Variants in LOXL2 observed in about 807,000 individuals in gnomAD.
LOXL2 encodes the protein lysyl oxidase homolog 2.
In LOXL2, 70 loss-of-function variants were observed where a neutral mutation model predicts 93.0. The observed-to-expected ratio is 0.75, with a 90% CI of 0.62 to 0.92. The LOEUF is 0.92. Among genes scored for constraint, LOXL2 ranks in the 40% least tolerant of loss-of-function variants. The pLI is 0.00. For synonymous variants in LOXL2, 438 were observed against 413.2 expected (o/e 1.06, Z -0.73); for missense variants, 973 against 1,054.9 (o/e 0.92, Z 1.08).
chr8:23,375,304 T>C (rs1804570257), intron 1 of LOXL2, among the ~76,000 whole-genome samples: 1 of 152,174 alleles, frequency 6.6e-6, no homozygotes, highest in Non-Finnish European at 1.5e-5. Context: ...CACTGGTCTA[T>C]ATCTCTGTTT....
In LOXL2 at chr8:23,302,035, G is replaced by C; in HGVS notation, c.2125C>G (p.Leu709Val). 6.2e-7 allele frequency: 1 copy of C among 1,614,136 alleles called. No homozygotes were observed. Among genetic ancestry groups the C allele is most frequent in the African/African-American group, 1.3e-5 (1 of 75,050 alleles). The stretch of plus-strand genomic sequence containing the variant: ...CTTCCCACCCACCTCACCTGGAACA[G>C]GTAGTCTCCAGGGGGCACGTCAGTG... ...DITDVPPGDY[L>V]FQVVINPNFE... The change falls in exon 12 of 14, where the codon CTG (leucine) becomes GTG (valine). Residue 709 changes from leucine (L) to valine (V), a missense_variant. By Grantham distance (32) the Leu-to-Val change is conservative. Coordinates refer to ENST00000389131, the MANE Select transcript of LOXL2 (RefSeq NM_002318.3).
chr8:23,338,207 C>A (rs966988734), intron 4 of LOXL2, among the ~76,000 whole-genome samples: 2 of 152,228 alleles, frequency 1.3e-5, no homozygotes, highest in Admixed American at 1.3e-4. Flanking sequence ...TCAGTTACCT[C>A]CCACTGGGTC....
rs370573410 is a variant in LOXL2, at chr8:23,399,453, T to C, written c.-84+4501A>G. ...CTGCCCTCATAAACTGATGAATCCATTCACCAATTAATAGATGAATCGGTT... is the reference window on the plus strand; with the variant it reads ...CTGCCCTCATAAACTGATGAATCCACTCACCAATTAATAGATGAATCGGTT... On this transcript the variant is annotated intron_variant, in intron 1 of 13. Coordinates refer to ENST00000389131, the MANE Select transcript of LOXL2 (RefSeq NM_002318.3). 7.2e-5 allele frequency among the ~76,000 whole-genome samples: 11 copies of C among 152,298 alleles called. No individual in the cohort carries two copies. In the East Asian group the frequency reaches 2.1e-3, roughly 29 times the overall value.
At chr8:23,354,951 T>TATATATATATATATATATATA (rs1563200197) in intron 3 of LOXL2, among the ~76,000 whole-genome samples, 1 of 19,164 alleles carries the variant, frequency 5.2e-5, no homozygotes, top group African/African-American at 2.2e-4. Context: ...ATATATATAT[T>TATATATATATATATATATATA]TTTTTTTTTT....
chr8:23,388,218 T>C lies in LOXL2; in HGVS notation c.-84+15736A>G, dbSNP rs573535241. On this transcript the variant is annotated intron_variant, in intron 1 of 13. Coordinates refer to ENST00000389131, the MANE Select transcript of LOXL2 (RefSeq NM_002318.3). The stretch of plus-strand genomic sequence containing the variant: ...GATCTTCAGCTTCCCCAGGTGTTAT[T>C]TGGGGAACTGTGAGCTGCCAAGGCT... Among the ~76,000 whole-genome samples, 45 of 152,284 alleles carry C rather than the reference T, an allele frequency of 3.0e-4. 1 individual carries two copies. In the South Asian group the frequency reaches 8.7e-3, roughly 30 times the overall value.
chr8:23,298,148 G>A (rs1465648086), intron 13 of LOXL2, 26 bp from the exon 14 acceptor site: 2 of 1,590,430 alleles, frequency 1.3e-6, no homozygotes, highest in Non-Finnish European at 1.7e-6. Context: ...CGGGTAGAGA[G>A]AGTGGACAAA....
chr8:23,341,744 G>A (rs1803886021), intron 3 of LOXL2, among the ~76,000 whole-genome samples: 2 of 152,166 alleles, frequency 1.3e-5, no homozygotes, highest in South Asian at 4.1e-4. Context: ...ATACCCCAGG[G>A]GTGGGCATTC....
At chr8:23,385,632 C>G (rs1205830770) in intron 1 of LOXL2, among the ~76,000 whole-genome samples, 1 of 152,082 alleles carries the variant, frequency 6.6e-6, no homozygotes, top group African/African-American at 2.4e-5. Context: ...TGATTTTGAT[C>G]AGTATCAATC....
At chr8:23,380,793 G>A (rs1160346886) in intron 1 of LOXL2, among the ~76,000 whole-genome samples, 7 of 152,026 alleles carry the variant, frequency 4.6e-5, no homozygotes, top group African/African-American at 1.7e-4. Flanking sequence ...GTGGCCAATC[G>A]CTTGAGGTCA....
chr8:23,341,965 T>C (rs1440771861), intron 3 of LOXL2, among the ~76,000 whole-genome samples: 1 of 152,124 alleles, frequency 6.6e-6, no homozygotes, highest in Non-Finnish European at 1.5e-5. Flanking sequence ...CTTAGAGGGT[T>C]CCCTTCCCAC....
intron 8 of LOXL2, among the ~76,000 whole-genome samples, chr8:23,317,384 G>A (rs114853090): frequency 1.2e-3 from 181 of 152,316 alleles, no homozygotes; most frequent in African/African-American, 4.2e-3. Context: ...CTGCAAGGCT[G>A]TGTGTCAGGA....
At chr8:23,299,915 G>A (rs532799230) in intron 12 of LOXL2, among the ~76,000 whole-genome samples, 153 of 152,384 alleles carry the variant, frequency 1.0e-3, no homozygotes, top group African/African-American at 3.6e-3. Flanking sequence ...CTGGCCCAGC[G>A]GGGCTGTTCT....
Position 23,381,658 on chromosome 8 carries a change from A to G in LOXL2, c.-83-13224T>C, listed in dbSNP as rs182781677. ...CTCCCTGCCTTATACCCCTTTTTCTACTGAGCTTTTCCCTTGTTGCTTTGT... is the reference window on the plus strand; with the variant it reads ...CTCCCTGCCTTATACCCCTTTTTCTGCTGAGCTTTTCCCTTGTTGCTTTGT... On this transcript the variant is annotated intron_variant, in intron 1 of 13. Transcript: ENST00000389131. Among the ~76,000 whole-genome samples, 841 of 151,930 alleles carry G rather than the reference A, an allele frequency of 5.5e-3. 3 individuals carry two copies. Among genetic ancestry groups the G allele is most frequent in the Admixed American group, 8.1e-3 (123 of 15,270 alleles).
At chr8:23,352,335 G>A (rs371206974) in intron 3 of LOXL2, among the ~76,000 whole-genome samples, 52 of 152,256 alleles carry the variant, frequency 3.4e-4, no homozygotes, top group African/African-American at 1.1e-3. Flanking sequence ...CAGCTACCCC[G>A]TGACCATCTG....
At chr8:23,335,849 T>C (rs1803780865) in intron 4 of LOXL2, among the ~76,000 whole-genome samples, 1 of 152,178 alleles carries the variant, frequency 6.6e-6, no homozygotes, top group South Asian at 2.1e-4. Context: ...GACACAGTTA[T>C]CATCTCTCCT....
intron 10 of LOXL2, among the ~76,000 whole-genome samples, chr8:23,308,468 G>T (rs895819119): frequency 5.3e-5 from 8 of 152,200 alleles, no homozygotes; most frequent in African/African-American, 1.9e-4. Context: ...CAATGACTAG[G>T]CCACGCCTGT....
intron 10 of LOXL2, among the ~76,000 whole-genome samples, chr8:23,304,756 T>C (rs924981356): frequency 6.6e-6 from 1 of 152,184 alleles, no homozygotes; most frequent in African/African-American, 2.4e-5. Flanking sequence ...GGATTTTTAT[T>C]ACATCCACTA....
chr8:23,308,520 T>C (rs1803268427), intron 10 of LOXL2, among the ~76,000 whole-genome samples: 1 of 152,210 alleles, frequency 6.6e-6, no homozygotes, highest in African/African-American at 2.4e-5. Flanking sequence ...GGTAGAGGCC[T>C]GTCTCCCTTC....
chr8:23,297,732 AC>A lies in LOXL2; in HGVS notation c.*310del. 5.8e-5 allele frequency: 16 copies of A among 277,504 alleles called. No homozygotes were observed. The highest frequency in any genetic ancestry group is 2.2e-4 in the South Asian group (3 of 13,594). 17.2% of individuals were successfully genotyped at this position (277,504 alleles called of 1,614,324 possible). ...TGGTGAGCTCGGTGGCTTGAATGGG[AC>A]AAGCTGATGACAACCTGTCTGTGGG... On this transcript the variant is annotated 3_prime_UTR_variant, in exon 14 of 14. Coordinates refer to ENST00000389131, the MANE Select transcript of LOXL2 (RefSeq NM_002318.3).
Sources: allele counts gnomAD v4.1 joint callset (sites outside exome capture counted in the v4.1 genomes callset), GRCh38; gene constraint gnomAD v4.1.1; transcripts MANE v1.5; gene names NCBI Gene and HGNC (gene_info 2026-07-23, HGNC 2026-07-21).